PDE4D: variants seen among roughly 807,000 people sequenced by gnomAD.
PDE4D encodes the protein 3',5'-cyclic-AMP phosphodiesterase 4D.
PDE4D carries 24 observed loss-of-function variants against 87.4 expected under a neutral mutation model. The ratio of observed to expected loss-of-function variants is 0.27; its 90% confidence interval spans 0.20 to 0.39. The LOEUF is 0.39. Among genes scored for constraint, PDE4D ranks in the 10% least tolerant of loss-of-function variants. PDE4D has a pLI of 1.00. For synonymous variants in PDE4D, 384 were observed against 383.2 expected (o/e 1.00, Z -0.02); for missense variants, 714 against 1,041.0 (o/e 0.69, Z 4.32).
At chr5:59,445,204 A>T (rs1798174532) in intron 1 of PDE4D, among the ~76,000 whole-genome samples, 1 of 152,204 alleles carries the variant, frequency 6.6e-6, no homozygotes, top group Non-Finnish European at 1.5e-5. Context: ...CTAATATATT[A>T]TGAAAAAACC....
intron 1 of PDE4D, among the ~76,000 whole-genome samples, chr5:59,869,205 C>T (rs1156243262): frequency 6.6e-6 from 1 of 152,076 alleles, no homozygotes; most frequent in Non-Finnish European, 1.5e-5. Flanking sequence ...TCTGAGAGTC[C>T]CTAACAGGGC....
chr5:60,139,313 C>T (rs1185774515), intron 2 of PDE4D, among the ~76,000 whole-genome samples: 1 of 151,992 alleles, frequency 6.6e-6, no homozygotes, highest in East Asian at 1.9e-4. Flanking sequence ...TTCTCAAGAT[C>T]TATAAAGAAA....
At chr5:59,950,617 A>T (rs964037137) in intron 3 of PDE4D, among the ~76,000 whole-genome samples, 3 of 152,120 alleles carry the variant, frequency 2.0e-5, no homozygotes, top group Non-Finnish European at 4.4e-5. Context: ...GAATCAAGAA[A>T]ACAAAGCCCA....
chr5:59,314,117 T>C (rs936749478), intron 1 of PDE4D: 1 of 152,130 alleles, frequency 6.6e-6, no homozygotes, highest in African/African-American at 2.4e-5. Context: ...TACACTTGGT[T>C]CAAAACCAAC....
rs565952123 is a variant in PDE4D, at chr5:60,217,675, T to C, written c.-89-31988A>G. 7.2e-5 allele frequency among the ~76,000 whole-genome samples: 11 copies of C among 152,004 alleles called. No individual in the cohort carries two copies. The East Asian group carries it at 2.1e-3, about 29-fold the overall frequency. On this transcript the variant is annotated intron_variant, in intron 1 of 16. Coordinates refer to the PDE4D transcript ENST00000502484. The stretch of plus-strand genomic sequence containing the variant: ...TGTTAATTTGATTTTTTTACATATT[T>C]ATCAGAATACATAAAGAACAAATCA...
At position 58,974,416 on chromosome 5, in the gene PDE4D, G is replaced by C. The variant is rs12187668; in HGVS notation, c.*248C>G. 3 of 331,548 alleles carry C rather than the reference G, an allele frequency of 9.0e-6. No individual in the cohort carries two copies. In the East Asian group the frequency reaches 1.4e-4, roughly 15 times the overall value. 20.5% of individuals were successfully genotyped at this position (331,548 alleles called of 1,614,324 possible). On this transcript the variant is annotated 3_prime_UTR_variant, in exon 15 of 15. Transcript: ENST00000340635. ...GGAGTAGATTTTATCTGCTTTGTCA[G>C]CTCTACCAAGCTGAAATCTTGTTAA... is the stretch of plus-strand genomic sequence containing the variant.
At chr5:60,068,800 CT>C (rs1330475719) in intron 2 of PDE4D, among the ~76,000 whole-genome samples, 1 of 152,110 alleles carries the variant, frequency 6.6e-6, no homozygotes, top group African/African-American at 2.4e-5. Context: ...CAAGGTTTCA[CT>C]ATGTTGCCCA....
chr5:59,258,258 G>A (rs1039516193), intron 1 of PDE4D, among the ~76,000 whole-genome samples: 2 of 151,784 alleles, frequency 1.3e-5, no homozygotes, highest in African/African-American at 4.8e-5. Context: ...CAGCCACAAA[G>A]AGACACACAG....
At chr5:59,220,516 T>C (rs1469763056) in intron 1 of PDE4D, among the ~76,000 whole-genome samples, 1 of 150,870 alleles carries the variant, frequency 6.6e-6, no homozygotes, top group Non-Finnish European at 1.5e-5. Flanking sequence ...AACTAGGGGG[T>C]TTGCCTTGAG....
intron 1 of PDE4D, among the ~76,000 whole-genome samples, chr5:59,481,372 CAA>C (rs11365791): frequency 9.9e-5 from 13 of 131,372 alleles, no homozygotes; most frequent in African/African-American, 1.9e-4. Flanking sequence ...CAATGTAGTC[CAA>C]AAAAAAAAAA....
At position 59,586,988 on chromosome 5, in the gene PDE4D, C is replaced by T. The variant is rs536110133; in HGVS notation, c.455+306180G>A. 4.1e-6 allele frequency: 4 copies of T among 985,404 alleles called. No homozygotes were observed. In the African/African-American group the frequency reaches 7.0e-5, roughly 17 times the overall value. The allele number at this position is 985,404 out of a possible 1,614,324, so 61.0% of individuals were successfully genotyped here. A position where few individuals can be genotyped will look rare whatever the true frequency, so the allele number is the denominator to read the frequency against. On this transcript the variant is annotated intron_variant, in intron 1 of 14. Coordinates refer to ENST00000340635, the MANE Select transcript of PDE4D (RefSeq NM_001104631.2). ...GGCTAGAAACCATGTATCACCAAAG[C>T]CAACTTCTTTCCCAGATTTCAGAAT...
intron 1 of PDE4D, among the ~76,000 whole-genome samples, chr5:59,276,324 T>C (rs1377906341): frequency 6.6e-6 from 1 of 152,106 alleles, no homozygotes; most frequent in African/African-American, 2.4e-5. Context: ...TAACATTCCG[T>C]GATCACCTTT....
At chr5:59,312,065 T>TA (rs2153566485) in intron 1 of PDE4D, among the ~76,000 whole-genome samples, 1 of 152,278 alleles carries the variant, frequency 6.6e-6, no homozygotes. Flanking sequence ...CCTTTGGAAT[T>TA]GGCCCCACTT....
intron 1 of PDE4D, among the ~76,000 whole-genome samples, chr5:59,349,802 T>C (rs545626128): frequency 6.6e-6 from 1 of 152,230 alleles, no homozygotes; most frequent in East Asian, 1.9e-4. Context: ...TTGCCAGAGC[T>C]CTGTGCTGGT....
intron 1 of PDE4D, among the ~76,000 whole-genome samples, chr5:59,354,214 G>A (rs906902975): frequency 6.6e-6 from 1 of 152,120 alleles, no homozygotes; most frequent in African/African-American, 2.4e-5. Flanking sequence ...ATTCAATGAA[G>A]AAATGTTGTC....
chr5:59,665,410 G>A (rs1461802820), intron 1 of PDE4D, among the ~76,000 whole-genome samples: 1 of 152,096 alleles, frequency 6.6e-6, no homozygotes, highest in African/African-American at 2.4e-5. Context: ...TCTGCCTCAG[G>A]TCACTGAACC....
intron 1 of PDE4D, among the ~76,000 whole-genome samples, chr5:59,855,076 G>T (rs187883607): frequency 4.4e-4 from 67 of 152,172 alleles, no homozygotes; most frequent in African/African-American, 1.4e-3. Context: ...CAAAATGCGG[G>T]CTCTGATCCA....
At chr5:59,137,077 C>A (rs1230151470) in intron 5 of PDE4D, among the ~76,000 whole-genome samples, 1 of 152,164 alleles carries the variant, frequency 6.6e-6, no homozygotes, top group Non-Finnish European at 1.5e-5. Context: ...ACCGTAGACA[C>A]AAGAGAAACT....
At chr5:60,197,979 G>A (rs908377030) in intron 1 of PDE4D, among the ~76,000 whole-genome samples, 2 of 150,158 alleles carry the variant, frequency 1.3e-5, no homozygotes, top group Non-Finnish European at 3.0e-5. Flanking sequence ...ATAAAGAGCA[G>A]TTGGCTTTTT....
Sources: gnomAD v4.1 joint callset for allele counts (sites outside exome capture counted in the v4.1 genomes callset) on GRCh38, gnomAD v4.1.1 for gene constraint, MANE v1.5 for transcripts, NCBI Gene and HGNC (gene_info 2026-07-23, HGNC 2026-07-21) for gene names.